KIAA0232: variants seen among roughly 807,000 people sequenced by gnomAD.
KIAA0232 encodes the protein uncharacterized protein KIAA0232.
In KIAA0232, 27 loss-of-function variants were observed where a neutral mutation model predicts 122.0. That is an observed-to-expected ratio of 0.22 (90% CI 0.16 to 0.31). The LOEUF (loss-of-function observed/expected upper bound fraction) is 0.31, where lower values mean the gene tolerates loss of function less well. KIAA0232 is among the 10% of genes least tolerant of loss of function. The pLI is 1.00. For missense variants in KIAA0232, 1,551 were observed against 1,634.2 expected, an observed-to-expected ratio of 0.95 and a Z score of 0.88; for synonymous variants, 613 against 587.6, an observed-to-expected ratio of 1.04 and a Z score of -0.63.
At chr4:6,819,802 T>G (rs1303498098) in intron 2 of KIAA0232, among the ~76,000 whole-genome samples, 1 of 152,156 alleles carries the variant, frequency 6.6e-6, no homozygotes, top group Non-Finnish European at 1.5e-5. Context: ...TACTCATATG[T>G]TCATCACGGC....
intron 7 of KIAA0232, among the ~76,000 whole-genome samples, chr4:6,866,826 G>A (rs1721211926): frequency 6.6e-6 from 1 of 152,140 alleles, no homozygotes; most frequent in African/African-American, 2.4e-5. Context: ...CTTTGTCCTT[G>A]CCCATACAGA....
chr4:6,857,161 C>G lies in KIAA0232; in HGVS notation c.370-3C>G. ...CCTAATGTGTCTTTTTGTTGTCATG[C>G]AGAGCTCTGGTATCGAGACTTTAGT... On this transcript the variant is annotated splice_region_variant and splice_polypyrimidine_tract_variant and intron_variant, in intron 4 of 9. Transcript: ENST00000307659. 1 of 1,601,672 alleles carries G rather than the reference C, an allele frequency of 6.2e-7. No homozygotes were observed. Among genetic ancestry groups the G allele is most frequent in the Non-Finnish European group, 8.5e-7 (1 of 1,174,042 alleles).
In KIAA0232 at chr4:6,880,703, TC is replaced by T. The variant is rs1476123365; in HGVS notation, c.4009-83del. On this transcript the variant is annotated intron_variant, in intron 9 of 9. Coordinates refer to ENST00000307659, the MANE Select transcript of KIAA0232 (RefSeq NM_014743.3). ...AGGAAAACACTGATGATTTATTATT[TC>T]TTCTTTGTATATAGATAGAGTATCT... 7.6e-6 allele frequency: 7 copies of T among 917,826 alleles called. No individual in the cohort carries two copies. In the African/African-American group the frequency reaches 1.2e-4, roughly 16 times the overall value. The allele number at this position is 917,826 out of a possible 1,614,324, so 56.9% of individuals were successfully genotyped here.
At chr4:6,787,405 A>G (rs1716676593) in intron 1 of KIAA0232, among the ~76,000 whole-genome samples, 1 of 152,184 alleles carries the variant, frequency 6.6e-6, no homozygotes, top group African/African-American at 2.4e-5. Flanking sequence ...GAAGTCAGTC[A>G]GTCTTTATTT....
intron 1 of KIAA0232, among the ~76,000 whole-genome samples, chr4:6,788,647 A>G (rs1034278774): frequency 6.6e-6 from 1 of 152,258 alleles, no homozygotes; most frequent in African/African-American, 2.4e-5. Flanking sequence ...CTAGTGTGCA[A>G]TATAGTCTTT....
chr4:6,813,820 C>T (rs1717992132), intron 2 of KIAA0232, among the ~76,000 whole-genome samples: 2 of 152,100 alleles, frequency 1.3e-5, no homozygotes, highest in Admixed American at 1.3e-4. Flanking sequence ...AGGGCTCTGA[C>T]TCCTGGAGAC....
At chr4:6,810,482 T>C (rs1717827591) in intron 2 of KIAA0232, among the ~76,000 whole-genome samples, 1 of 152,008 alleles carries the variant, frequency 6.6e-6, no homozygotes, top group Non-Finnish European at 1.5e-5. Flanking sequence ...AATACTAGAA[T>C]AAAACCTAGG....
intron 9 of KIAA0232, among the ~76,000 whole-genome samples, chr4:6,878,550 C>T (rs1721880780): frequency 1.3e-5 from 2 of 152,180 alleles, no homozygotes; most frequent in African/African-American, 4.8e-5. Flanking sequence ...AATTACAGTC[C>T]TGGTTTCTGC....
chr4:6,800,996 T>C (rs1446796975), intron 1 of KIAA0232, among the ~76,000 whole-genome samples: 2 of 152,184 alleles, frequency 1.3e-5, no homozygotes, highest in Non-Finnish European at 2.9e-5. Flanking sequence ...ACAGAGTTCT[T>C]GATAATTTGG....
chr4:6,825,433 A>T (rs4689553), intron 3 of KIAA0232, among the ~76,000 whole-genome samples: 22,169 of 152,008 alleles, frequency 0.15, 2,231 homozygotes, highest in East Asian at 0.44. Flanking sequence ...GCCTGTAGTC[A>T]GTCCGTAGCT....
chr4:6,811,362 C>A (rs947018161), intron 2 of KIAA0232, among the ~76,000 whole-genome samples: 1 of 152,184 alleles, frequency 6.6e-6, no homozygotes, highest in African/African-American at 2.4e-5. Flanking sequence ...ACAAGCCAGA[C>A]ATAGAAAGCC....
At chr4:6,823,196 G>C (rs1363787774) in intron 2 of KIAA0232, among the ~76,000 whole-genome samples, 1 of 151,646 alleles carries the variant, frequency 6.6e-6, no homozygotes, top group African/African-American at 2.4e-5. Flanking sequence ...CATTTGGGTT[G>C]GTTCCAAGTC....
chr4:6,873,462 C>T (rs1721601467), intron 8 of KIAA0232, among the ~76,000 whole-genome samples: 1 of 152,216 alleles, frequency 6.6e-6, no homozygotes, highest in Admixed American at 6.5e-5. Context: ...AGCTGTGCCA[C>T]AGAGGACCTC....
At position 6,863,928 on chromosome 4, in the gene KIAA0232, T is replaced by C. The variant is rs377079184; in HGVS notation, c.3546T>C (p.Ser1182=). The C allele has an allele frequency of 6.2e-6, 10 of 1,613,844 alleles. No homozygotes were observed. Among genetic ancestry groups the C allele is most frequent in the Admixed American group, 3.3e-5 (2 of 59,960 alleles). The change falls in exon 7 of 10, where the codon TCT becomes TCC. Residue 1182 remains serine, a synonymous_variant. Transcript: ENST00000307659. Reference sequence around the variant, plus strand: ...AATTCCTTCCCAGGTTAAAAAAATCTGGGATGGAAAAGAGTGCTCAGACAT... The same window carrying C: ...AATTCCTTCCCAGGTTAAAAAAATCCGGGATGGAAAAGAGTGCTCAGACAT... ...SGKFLPRLKK[S]GMEKSAQTSL...
At chr4:6,804,474 A>G (rs975703449) in intron 1 of KIAA0232, 49 bp from the exon 2 acceptor site, 4 of 152,208 alleles carry the variant, frequency 2.6e-5, no homozygotes, top group African/African-American at 9.7e-5. Context: ...CATTTTAATG[A>G]TGGTAGGTAC....
At position 6,824,514 on chromosome 4, in the gene KIAA0232, T is replaced by C. The variant is rs770287328; in HGVS notation, c.61T>C (p.Tyr21His). 5 of 1,614,242 alleles carry C rather than the reference T, an allele frequency of 3.1e-6. No homozygotes were observed. The highest frequency in any genetic ancestry group is 1.1e-5 in the South Asian group (1 of 91,086). The stretch of plus-strand genomic sequence containing the variant: ...GCCATCTGAAAGCTCCTCAAGTTCT[T>C]ATCCAGGCCCTGTGTCTGTTTCTGA... Reference protein sequence around the residue: ...GLPSESSSSSYPGPVSVSEMS... With the variant: ...GLPSESSSSSHPGPVSVSEMS... The change falls in exon 3 of 10, where the codon TAT (tyrosine) becomes CAT (histidine). Residue 21 changes from tyrosine to histidine, a missense_variant. This residue lies in a region of KIAA0232 where 37 missense variants were observed against 28.5 expected (regional missense o/e 1.30). Coordinates refer to ENST00000307659, the MANE Select transcript of KIAA0232 (RefSeq NM_014743.3).
At chr4:6,832,962 C>G (rs1192057415) in intron 3 of KIAA0232, among the ~76,000 whole-genome samples, 1 of 152,202 alleles carries the variant, frequency 6.6e-6, no homozygotes, top group Non-Finnish European at 1.5e-5. Context: ...TATTTGCCCA[C>G]AGGTTGTATA....
At chr4:6,842,331 T>G (rs1038537621) in intron 4 of KIAA0232, 127 bp downstream of exon 4, 1 of 897,800 alleles carries the variant, frequency 1.1e-6, no homozygotes, top group African/African-American at 1.7e-5. Flanking sequence ...CCAAGTAACA[T>G]GAACATTACC....
At chr4:6,799,995 C>G (rs1030631884) in intron 1 of KIAA0232, among the ~76,000 whole-genome samples, 4 of 142,280 alleles carry the variant, frequency 2.8e-5, no homozygotes, top group Non-Finnish European at 6.1e-5. Context: ...GCCTTGCTGG[C>G]TTTTGTTTTG....
Sources: gnomAD v4.1 joint callset for allele counts (sites outside exome capture counted in the v4.1 genomes callset) on GRCh38, gnomAD v4.1.1 for gene constraint, gnomAD v4.1.1 regional missense constraint, MANE v1.5 for transcripts, NCBI Gene and HGNC (gene_info 2026-07-23, HGNC 2026-07-21) for gene names.